The following MAGI3 variants were observed in gnomAD, a reference collection of about 807,000 sequenced individuals.
The protein encoded by MAGI3 is membrane associated guanylate kinase, WW and PDZ domain containing 3, also known as membrane-associated guanylate kinase, WW and PDZ domain-containing protein 3.
In MAGI3, 43 loss-of-function variants were observed where a neutral mutation model predicts 121.8. The observed-to-expected ratio is 0.35, with a 90% confidence interval of 0.28 to 0.46. MAGI3 has a LOEUF of 0.46. Among genes scored for constraint, MAGI3 ranks in the 20% least tolerant of loss-of-function variants. The probability of loss-of-function intolerance (pLI) is 1.00; values close to 1 mark genes in which losing one functional copy is unlikely to be tolerated. For synonymous variants in MAGI3, 553 were observed against 639.3 expected (o/e 0.86, Z 2.04); for missense variants, 1,547 against 1,797.3 (o/e 0.86, Z 2.52).
chr1:113,618,422 G>C, intron 7 of MAGI3: 1 of 386,544 alleles, frequency 2.6e-6, no homozygotes, highest in South Asian at 2.0e-5. Flanking sequence ...GTAATATTCA[G>C]TCTACCTAAA....
intron 1 of MAGI3, among the ~76,000 whole-genome samples, chr1:113,479,417 T>C (rs1656008992): frequency 6.6e-6 from 1 of 152,200 alleles, no homozygotes; most frequent in Non-Finnish European, 1.5e-5. Flanking sequence ...GTACTTTAAA[T>C]ATGTCATCTC....
intron 1 of MAGI3, among the ~76,000 whole-genome samples, chr1:113,523,661 A>G (rs1360422172): frequency 6.6e-6 from 1 of 152,230 alleles, no homozygotes; most frequent in Non-Finnish European, 1.5e-5. Flanking sequence ...AAAGCATTCA[A>G]GGGGTGACTT....
intron 9 of MAGI3, among the ~76,000 whole-genome samples, chr1:113,638,568 G>A (rs564070678): frequency 1.3e-5 from 2 of 152,362 alleles, no homozygotes; most frequent in South Asian, 2.1e-4. Flanking sequence ...CGTGAATGCT[G>A]CTGTCTGATC....
chr1:113,449,959 C>T, intron 1 of MAGI3: 1 of 1,547,864 alleles, frequency 6.5e-7, no homozygotes, highest in South Asian at 1.1e-5. Context: ...GAACCAAAGA[C>T]AGCTGTTTCT....
intron 7 of MAGI3, among the ~76,000 whole-genome samples, chr1:113,615,725 A>G (rs1420773225): frequency 2.0e-5 from 3 of 152,206 alleles, no homozygotes; most frequent in Non-Finnish European, 2.9e-5. Flanking sequence ...ATATAACTTT[A>G]GAATTTCAAT....
chr1:113,613,437 A>C (rs2101773514), intron 6 of MAGI3, among the ~76,000 whole-genome samples: 1 of 152,306 alleles, frequency 6.6e-6, no homozygotes, highest in South Asian at 2.1e-4. Flanking sequence ...TTATATTCTG[A>C]ATGCAGAATA....
intron 1 of MAGI3, among the ~76,000 whole-genome samples, chr1:113,524,549 A>G (rs1658366710): frequency 1.3e-5 from 2 of 151,880 alleles, no homozygotes; most frequent in African/African-American, 2.4e-5. Flanking sequence ...GCCCTACTAG[A>G]TTTCGGACTT....
chr1:113,467,372 C>T (rs184910918), intron 1 of MAGI3, among the ~76,000 whole-genome samples: 1 of 152,244 alleles, frequency 6.6e-6, no homozygotes, highest in Admixed American at 6.5e-5. Flanking sequence ...GATATGGTCT[C>T]TTCTGGAGAA....
intron 6 of MAGI3, among the ~76,000 whole-genome samples, chr1:113,611,405 A>G (rs997726581): frequency 3.3e-5 from 5 of 152,042 alleles, no homozygotes; most frequent in Non-Finnish European, 7.4e-5. Flanking sequence ...TAATTATTCA[A>G]TAAATATTTG....
At chr1:113,654,049 C>T in intron 15 of MAGI3, 31 bp downstream of exon 15, 1 of 1,544,332 alleles carries the variant, frequency 6.5e-7, no homozygotes, top group East Asian at 2.3e-5. Flanking sequence ...TTGTCTCTCC[C>T]TGCAAGTCCA....
chr1:113,661,739 G>A (rs1275509137), intron 16 of MAGI3, among the ~76,000 whole-genome samples: 2 of 152,106 alleles, frequency 1.3e-5, no homozygotes, highest in Admixed American at 1.3e-4. Flanking sequence ...AAAAGAGAAG[G>A]GTGGAGGGAA....
At chr1:113,495,275 T>A (rs1326334562) in intron 1 of MAGI3, among the ~76,000 whole-genome samples, 1 of 152,118 alleles carries the variant, frequency 6.6e-6, no homozygotes, top group Admixed American at 6.5e-5. Context: ...AATAAGCACA[T>A]ATACTGTTAT....
chr1:113,583,498 A>G (rs548811032), intron 3 of MAGI3, among the ~76,000 whole-genome samples: 1 of 152,292 alleles, frequency 6.6e-6, no homozygotes, highest in African/African-American at 2.4e-5. Flanking sequence ...AATAATTACC[A>G]AGAATTCTCA....
At chr1:113,441,683 A>C (rs1032412090) in intron 1 of MAGI3, among the ~76,000 whole-genome samples, 5 of 152,158 alleles carry the variant, frequency 3.3e-5, no homozygotes, top group African/African-American at 7.2e-5. Flanking sequence ...CCTTGATAGG[A>C]TGCTAGAGTA....
chr1:113,644,218 C>T (rs1190546801), intron 11 of MAGI3, among the ~76,000 whole-genome samples: 1 of 152,086 alleles, frequency 6.6e-6, no homozygotes, highest in African/African-American at 2.4e-5. Context: ...ATGCATGCAC[C>T]TTTAGATAAT....
rs1318588102 is a variant in MAGI3 at position 113,509,799 on chromosome 1, A to C, written c.317-39716A>C. On this transcript the variant is annotated intron_variant, in intron 1 of 20. Transcript: ENST00000307546. ...CTGAAAATAAATACTACCTAGGAGA[A>C]GGAGGTGAGAGCCCTCGTGTGGGGT... 4.3e-5 allele frequency among the ~76,000 whole-genome samples: 6 copies of C among 140,868 alleles called. No homozygotes were observed. In the South Asian group the frequency reaches 1.5e-3, roughly 35 times the overall value. The allele number at this position is 140,868 out of a possible 152,430, so 92.4% of individuals were successfully genotyped here.
intron 1 of MAGI3, among the ~76,000 whole-genome samples, chr1:113,474,247 C>T (rs374899164): frequency 1.7e-4 from 26 of 152,114 alleles, no homozygotes; most frequent in African/African-American, 3.6e-4. Context: ...TCTTTTGCCA[C>T]GCAGAAGCTC....
Position 113,545,094 on chromosome 1 carries a change from A to G in MAGI3, c.317-4421A>G, listed in dbSNP as rs192805155. Among the ~76,000 whole-genome samples, 718 of 147,864 alleles carry G rather than the reference A, an allele frequency of 4.9e-3. 6 individuals are homozygous for G. The highest frequency in any genetic ancestry group is 0.017 in the African/African-American group (675 of 40,064). On this transcript the variant is annotated intron_variant, in intron 1 of 20. Transcript: ENST00000307546. Reference sequence around the variant, plus strand: ...GTTTGTTTTGTTTTGTTTTTTTTTTACAAAATCACTGAGAATATGGGGTAA... The same window carrying G: ...GTTTGTTTTGTTTTGTTTTTTTTTTGCAAAATCACTGAGAATATGGGGTAA...
intron 20 of MAGI3, chr1:113,682,393 G>A (rs2101042782): frequency 6.9e-7 from 1 of 1,442,626 alleles, no homozygotes; most frequent in East Asian, 2.5e-5. Context: ...TCTATCTTCT[G>A]CACTTTTCAG....
Sources: gnomAD v4.1 joint callset for allele counts (sites outside exome capture counted in the v4.1 genomes callset) on GRCh38, gnomAD v4.1.1 for gene constraint, MANE v1.5 for transcripts, NCBI Gene and HGNC (gene_info 2026-07-23, HGNC 2026-07-21) for gene names.